Variants in SIPA1L1 observed in about 807,000 individuals in gnomAD.
The protein encoded by SIPA1L1 is signal induced proliferation associated 1 like 1, also known as signal-induced proliferation-associated 1-like protein 1.
Under a neutral mutation model 162.7 loss-of-function variants are expected in SIPA1L1, and 26 were observed. That is an observed-to-expected ratio of 0.16 (90% CI 0.12 to 0.22). The LOEUF is 0.22. SIPA1L1 is among the 10% of genes least tolerant of loss of function. The pLI, the probability that SIPA1L1 is intolerant of heterozygous loss-of-function variation, is 1.00. For synonymous variants in SIPA1L1, 829 were observed against 837.4 expected (o/e 0.99, Z 0.17); for missense variants, 1,874 against 2,241.0 (o/e 0.84, Z 3.31).
intron 2 of SIPA1L1, among the ~76,000 whole-genome samples, chr14:71,352,936 A>C (rs1375161058): frequency 6.6e-6 from 1 of 152,102 alleles, no homozygotes; most frequent in Non-Finnish European, 1.5e-5. Flanking sequence ...GCATTTAAGC[A>C]CCTTTTCATA....
intron 2 of SIPA1L1, among the ~76,000 whole-genome samples, chr14:71,331,952 T>C (rs1429162068): frequency 6.6e-6 from 1 of 152,222 alleles, no homozygotes; most frequent in Non-Finnish European, 1.5e-5. Flanking sequence ...TAGTGGCTGC[T>C]ATAGGAACAA....
chr14:71,434,588 G>A (rs1336176479), intron 2 of SIPA1L1, among the ~76,000 whole-genome samples: 2 of 151,934 alleles, frequency 1.3e-5, no homozygotes. Context: ...CTTTTGTTTG[G>A]TTTTGTTTGA....
At chr14:71,431,012 GAA>G (rs568121336) in intron 2 of SIPA1L1, among the ~76,000 whole-genome samples, 1 of 151,574 alleles carries the variant, frequency 6.6e-6, no homozygotes, top group African/African-American at 2.4e-5. Flanking sequence ...GTTATTTAGG[GAA>G]AAAAAACTTC....
At chr14:71,430,217 G>A (rs896150526) in intron 2 of SIPA1L1, among the ~76,000 whole-genome samples, 5 of 152,024 alleles carry the variant, frequency 3.3e-5, no homozygotes, top group Non-Finnish European at 7.4e-5. Context: ...AGGACTGTTG[G>A]TTTCAAAGTA....
chr14:71,414,405 AAAAC>A (rs1566991842), intron 2 of SIPA1L1, among the ~76,000 whole-genome samples: 1 of 152,072 alleles, frequency 6.6e-6, no homozygotes, highest in Admixed American at 6.5e-5. Flanking sequence ...AACAAAAACA[AAAAC>A]AAAAAACCCT....
At chr14:71,379,712 G>C (rs532500232) in intron 2 of SIPA1L1, 1 of 152,242 alleles carries the variant, frequency 6.6e-6, no homozygotes, top group Non-Finnish European at 1.5e-5. Context: ...GTGTGCGCGC[G>C]TGCGCGTATG....
At chr14:71,700,981 C>T (rs1206031115) in intron 14 of SIPA1L1, among the ~76,000 whole-genome samples, 1 of 89,096 alleles carries the variant, frequency 1.1e-5, no homozygotes, top group Non-Finnish European at 2.1e-5. Flanking sequence ...GGGGACAGAG[C>T]AAGACTCCGT....
At chr14:71,550,150 G>A (rs1277996034) in intron 4 of SIPA1L1, among the ~76,000 whole-genome samples, 1 of 152,188 alleles carries the variant, frequency 6.6e-6, no homozygotes, top group African/African-American at 2.4e-5. Flanking sequence ...GTACTTGCGA[G>A]GTTGAGGTGG....
intron 7 of SIPA1L1, among the ~76,000 whole-genome samples, chr14:71,646,001 C>T (rs944577443): frequency 3.9e-5 from 6 of 152,076 alleles, no homozygotes; most frequent in Admixed American, 3.3e-4. Flanking sequence ...CCCCAGTGGC[C>T]GCTTTCTGGC....
chr14:71,547,189 T>G (rs148651853), intron 4 of SIPA1L1, among the ~76,000 whole-genome samples: 553 of 152,258 alleles, frequency 3.6e-3, no homozygotes, highest in Non-Finnish European at 5.5e-3. Context: ...CAAATGTTTT[T>G]GAATGAATGA....
intron 5 of SIPA1L1, among the ~76,000 whole-genome samples, chr14:71,590,416 T>C (rs898496822): frequency 6.6e-6 from 1 of 152,036 alleles, no homozygotes; most frequent in African/African-American, 2.4e-5. Context: ...TGTTTTGGGG[T>C]TTTGAATGGT....
chr14:71,427,747 A>G (rs1007892446), intron 2 of SIPA1L1, among the ~76,000 whole-genome samples: 19 of 150,034 alleles, frequency 1.3e-4, no homozygotes, highest in Admixed American at 1.3e-3. Context: ...AACTTCAAAA[A>G]TTTTTTTCTG....
chr14:71,433,851 C>A (rs1686887548), intron 2 of SIPA1L1, among the ~76,000 whole-genome samples: 2 of 152,140 alleles, frequency 1.3e-5, no homozygotes, highest in Admixed American at 1.3e-4. Flanking sequence ...TTATGCCCAA[C>A]CTTTATTGTA....
chr14:71,341,827 A>T (rs2035686103), intron 2 of SIPA1L1, among the ~76,000 whole-genome samples: 1 of 152,124 alleles, frequency 6.6e-6, no homozygotes, highest in South Asian at 2.1e-4. Flanking sequence ...GATGCACAGG[A>T]CATGATTTTA....
chr14:71,690,056 A>G (rs1184797509), intron 13 of SIPA1L1, among the ~76,000 whole-genome samples: 2 of 152,130 alleles, frequency 1.3e-5, no homozygotes, highest in African/African-American at 2.4e-5. Context: ...GCACCATTTA[A>G]TGTTTACTCT....
chr14:71,494,445 A>G (rs766744812), intron 2 of SIPA1L1, among the ~76,000 whole-genome samples: 3 of 150,692 alleles, frequency 2.0e-5, no homozygotes, highest in African/African-American at 4.9e-5. Flanking sequence ...ATAATAATTG[A>G]TTTTTGGATG....
At chr14:71,358,806 C>T (rs1295673799) in intron 2 of SIPA1L1, among the ~76,000 whole-genome samples, 1 of 152,140 alleles carries the variant, frequency 6.6e-6, no homozygotes, top group East Asian at 1.9e-4. Flanking sequence ...GCACGTCTTG[C>T]ATGGCTGGAG....
At position 71,702,501 on chromosome 14, in the gene SIPA1L1, G is replaced by A. The variant is rs1338866192; in HGVS notation, c.3642G>A (p.Gln1214=). 1 of 1,613,972 alleles carries A rather than the reference G, an allele frequency of 6.2e-7. No individual in the cohort carries two copies. Among genetic ancestry groups the A allele is most frequent in the East Asian group, 2.2e-5 (1 of 44,890 alleles). ...GAAGTGAGGATAGCATTGCTGACCA[G>A]ATGGGTAAGTAATCAATTTCTACAA... is the stretch of plus-strand genomic sequence containing the variant. ...WQRSEDSIAD[Q]MEPTCHLPAV... The change falls in exon 15 of 24, where the codon CAG becomes CAA. Residue 1214 remains glutamine (Q), a synonymous_variant. Transcript: ENST00000381232.
At chr14:71,645,718 A>G (rs2042098243) in intron 7 of SIPA1L1, among the ~76,000 whole-genome samples, 1 of 152,284 alleles carries the variant, frequency 6.6e-6, no homozygotes, top group Middle Eastern at 3.4e-3. Context: ...TTCATGCAAA[A>G]GTGCCAGCAG....
Sources: allele counts gnomAD v4.1 joint callset (sites outside exome capture counted in the v4.1 genomes callset), GRCh38; gene constraint gnomAD v4.1.1; transcripts MANE v1.5; gene names NCBI Gene and HGNC (gene_info 2026-07-23, HGNC 2026-07-21).